GATC: variants seen among roughly 807,000 people sequenced by gnomAD.
GATC encodes the protein glutamyl-tRNA amidotransferase subunit C.
In GATC, 11 loss-of-function variants were observed where a neutral mutation model predicts 14.4. The ratio of observed to expected loss-of-function variants is 0.77; its 90% confidence interval spans 0.48 to 1.27. The LOEUF (loss-of-function observed/expected upper bound fraction) is 1.27. Among genes scored for constraint, GATC ranks in the 50% most tolerant of loss-of-function variants. The probability of loss-of-function intolerance (pLI) is 0.00; values close to 1 mark genes in which losing one functional copy is unlikely to be tolerated. For missense variants in GATC, 204 were observed against 183.0 expected (o/e 1.11, Z -0.66); for synonymous variants, 76 against 79.3 (o/e 0.96, Z 0.22).
At chr12:120,448,517 C>T (rs1284652839) in intron 2 of GATC, among the ~76,000 whole-genome samples, 1 of 151,146 alleles carries the variant, frequency 6.6e-6, no homozygotes, top group Non-Finnish European at 1.5e-5. Flanking sequence ...TTAGTAGAGA[C>T]AGGGTTTCAC....
At chr12:120,456,163 A>C (rs999694991) in intron 2 of GATC, among the ~76,000 whole-genome samples, 2 of 152,104 alleles carry the variant, frequency 1.3e-5, no homozygotes, top group African/African-American at 4.8e-5. Context: ...TTATTTTTTT[A>C]ATCTAAGTAT....
At chr12:120,448,960 CTTT>C (rs370203860) in intron 2 of GATC, among the ~76,000 whole-genome samples, 1 of 140,124 alleles carries the variant, frequency 7.1e-6, no homozygotes. Flanking sequence ...TACTTAGGTT[CTTT>C]TTTTTTTTTT....
rs371503561 is a variant in GATC at position 120,457,176 on chromosome 12, C to T, written c.355C>T (p.Pro119Ser). The T allele has an allele frequency of 5.0e-6, 8 of 1,608,452 alleles. No homozygotes were observed. Among genetic ancestry groups the T allele is most frequent in the Non-Finnish European group, 6.0e-6 (7 of 1,175,412 alleles). Reference sequence around the variant, plus strand: ...CGTGGAGGAGTACTTTGTGGCCCCCCCAGGTACGTGCTGCCCAGAATGGTT... The same window carrying T: ...CGTGGAGGAGTACTTTGTGGCCCCCTCAGGTACGTGCTGCCCAGAATGGTT... ...RVVEEYFVAP[P>S]GNISLPKLDE... Residue 119 changes from proline (P) to serine (S), a missense_variant, in exon 3 of 4, where the codon CCA (proline) becomes TCA (serine). Transcript: ENST00000551765.
In GATC at chr12:120,460,749, T is replaced by TAATCCCAGCACTTTGGGAGGCTG. The variant is rs1878313043; in HGVS notation, c.*792_*814dup. 1.3e-5 allele frequency: 2 copies of TAATCCCAGCACTTTGGGAGGCTG among 152,184 alleles called. No individual in the cohort carries two copies. The highest frequency in any genetic ancestry group is 6.6e-5 in the Admixed American group (1 of 15,260). 9.4% of individuals were successfully genotyped at this position (152,184 alleles called of 1,614,324 possible). A position where few individuals can be genotyped will look rare whatever the true frequency, so the allele number is the denominator to read the frequency against. On this transcript the variant is annotated 3_prime_UTR_variant, in exon 4 of 4. Transcript: ENST00000551765. ...GGCTGGGCGCAGTGGCTCACTCCTG[T>TAATCCCAGCACTTTGGGAGGCTG]AATCCCAGCACTTTGGGAGGCTGAG...
At chr12:120,446,986 C>T (rs1877888872) in intron 2 of GATC, among the ~76,000 whole-genome samples, 157 bp downstream of exon 2, 1 of 152,212 alleles carries the variant, frequency 6.6e-6, no homozygotes. Context: ...TTCACTCTTC[C>T]CCTTGTTCAT....
intron 2 of GATC, among the ~76,000 whole-genome samples, chr12:120,454,771 G>A (rs1305157117): frequency 6.6e-6 from 1 of 151,084 alleles, no homozygotes; most frequent in African/African-American, 2.4e-5. Context: ...AAAGTCCAAG[G>A]GTTACCTTTG....
intron 3 of GATC, 52 bp downstream of exon 3, chr12:120,457,231 A>T: frequency 7.6e-7 from 1 of 1,321,120 alleles, no homozygotes; most frequent in Non-Finnish European, 1.1e-6. Flanking sequence ...AACCTTAGGA[A>T]TGAAGCAGGA....
intron 2 of GATC, among the ~76,000 whole-genome samples, chr12:120,450,038 A>C (rs1011640162): frequency 6.6e-6 from 1 of 152,358 alleles, no homozygotes; most frequent in East Asian, 1.9e-4. Flanking sequence ...CTGGGATTAC[A>C]GGCATGAGCC....
chr12:120,461,536 A>C lies in GATC; in HGVS notation c.*1577A>C, dbSNP rs1878339023. 6.6e-6 allele frequency: 1 copy of C among 152,346 alleles called. No homozygotes were observed. Among genetic ancestry groups the C allele is most frequent in the South Asian group, 2.1e-4 (1 of 4,828 alleles). The allele number at this position is 152,346 out of a possible 1,614,324, so 9.4% of individuals were successfully genotyped here. On this transcript the variant is annotated 3_prime_UTR_variant, in exon 4 of 4. Coordinates refer to ENST00000551765, the MANE Select transcript of GATC (RefSeq NM_176818.3). ...CAAACCAACATCAGAGCAACTGTCT[A>C]TCCCCATATAAATAAAGTTATCTAC...
At chr12:120,455,079 G>T in intron 2 of GATC, 1 of 387,482 alleles carries the variant, frequency 2.6e-6, no homozygotes, top group Non-Finnish European at 5.4e-6. Context: ...GTAGAGACAG[G>T]GTTTCACCAT....
At chr12:120,449,219 A>C (rs1040875196) in intron 2 of GATC, among the ~76,000 whole-genome samples, 2 of 152,114 alleles carry the variant, frequency 1.3e-5, no homozygotes, top group Non-Finnish European at 2.9e-5. Flanking sequence ...TCAGCCTCCC[A>C]AAGGTGCTGA....
intron 2 of GATC, chr12:120,454,820 C>A: frequency 5.8e-6 from 1 of 171,630 alleles, no homozygotes; most frequent in East Asian, 1.4e-4. Flanking sequence ...TTTTGTTCTC[C>A]CAAGTTTTCT....
At chr12:120,449,459 T>C (rs993121110) in intron 2 of GATC, among the ~76,000 whole-genome samples, 33 of 152,084 alleles carry the variant, frequency 2.2e-4, no homozygotes, top group Admixed American at 1.3e-4. Context: ...TTGTTTTGTT[T>C]TGTTTTTTTG....
At position 120,446,502 on chromosome 12, in the gene GATC, C is replaced by G. The variant is rs61734361; in HGVS notation, c.22C>G (p.Leu8Val). 1.2e-6 allele frequency: 2 copies of G among 1,607,160 alleles called. No individual in the cohort carries two copies. The highest frequency in any genetic ancestry group is 8.5e-7 in the Non-Finnish European group (1 of 1,176,090). MWSRLVW[L>V]GLRAPLGGRQ... ...AGAAATGTGGTCGCGGTTGGTGTGG[C>G]TGGGCCTTCGGGCCCCTCTGGGCGG... The change falls in exon 1 of 4, where the codon CTG becomes GTG. Residue 8 changes from leucine to valine, a missense_variant. By Grantham distance (32) the Leu-to-Val change is conservative. Coordinates refer to ENST00000551765, the MANE Select transcript of GATC (RefSeq NM_176818.3).
chr12:120,462,614 A>G lies in GATC; in HGVS notation c.*2655A>G, dbSNP rs1440315221. 6.5e-6 allele frequency: 1 copy of G among 153,594 alleles called. No individual in the cohort carries two copies. Among genetic ancestry groups the G allele is most frequent in the Non-Finnish European group, 1.4e-5 (1 of 68,982 alleles). The allele number at this position is 153,594 out of a possible 1,614,324, so 9.5% of individuals were successfully genotyped here. ...CCTTCCAGATGTGAGGACCTGAGCT[A>G]GATGCTTTAGACGTTATCCTCTTGC... On this transcript the variant is annotated 3_prime_UTR_variant, in exon 4 of 4. Coordinates refer to ENST00000551765, the MANE Select transcript of GATC (RefSeq NM_176818.3).
Position 120,461,152 on chromosome 12 carries a change from G to C in GATC, c.*1193G>C, listed in dbSNP as rs1198846425. ...GTCTCCCTCTGTCACCCAGGCTGGA[G>C]TGCAGTGGTGACAGATCACTGCAGC... On this transcript the variant is annotated 3_prime_UTR_variant, in exon 4 of 4. Coordinates refer to ENST00000551765, the MANE Select transcript of GATC (RefSeq NM_176818.3). The C allele has an allele frequency of 6.6e-6, 1 of 152,126 alleles. No homozygotes were observed. Among genetic ancestry groups the C allele is most frequent in the Non-Finnish European group, 1.5e-5 (1 of 68,038 alleles). The allele number at this position is 152,126 out of a possible 1,614,324, so 9.4% of individuals were successfully genotyped here. A position where few individuals can be genotyped will look rare whatever the true frequency, so the allele number is the denominator to read the frequency against.
intron 2 of GATC, among the ~76,000 whole-genome samples, chr12:120,456,553 C>T (rs1878189610): frequency 6.6e-6 from 1 of 152,196 alleles, no homozygotes; most frequent in Non-Finnish European, 1.5e-5. Context: ...CCCTGTCCTT[C>T]TCTGAATCTC....
intron 2 of GATC, among the ~76,000 whole-genome samples, chr12:120,449,513 G>A (rs1877979800): frequency 6.6e-6 from 1 of 152,146 alleles, no homozygotes; most frequent in African/African-American, 2.4e-5. Flanking sequence ...GCAGTGGCGT[G>A]ATCTCGGCTC....
intron 2 of GATC, among the ~76,000 whole-genome samples, chr12:120,447,479 A>G (rs1877908849): frequency 6.6e-6 from 1 of 152,088 alleles, no homozygotes; most frequent in South Asian, 2.1e-4. Flanking sequence ...CTCCAGCAAG[A>G]CAAGTTCTTT....
Sources: gnomAD v4.1 joint callset for allele counts (sites outside exome capture counted in the v4.1 genomes callset) on GRCh38, gnomAD v4.1.1 for gene constraint, MANE v1.5 for transcripts, NCBI Gene and HGNC (gene_info 2026-07-23, HGNC 2026-07-21) for gene names.